HERC3: variants seen among roughly 807,000 people sequenced by gnomAD.
HERC3 encodes the protein HECT and RLD domain containing E3 ubiquitin protein ligase 3.
In HERC3, 58 loss-of-function variants were observed where a neutral mutation model predicts 129.9. The ratio of observed to expected loss-of-function variants is 0.45; its 90% CI spans 0.36 to 0.56. The LOEUF (loss-of-function observed/expected upper bound fraction) is 0.56, where lower values mean the gene tolerates loss of function less well. Among genes scored for constraint, HERC3 ranks in the 20% least tolerant of loss-of-function variants. The probability of loss-of-function intolerance (pLI) is 0.00; values close to 1 mark genes in which losing one functional copy is unlikely to be tolerated. For missense variants in HERC3, 835 were observed against 1,244.2 expected (o/e 0.67, Z 4.95); for synonymous variants, 430 against 451.0 (o/e 0.95, Z 0.59).
At chr4:88,540,978 C>A in the HERC3 span, among the ~76,000 whole-genome samples, 4 of 152,200 alleles carry the variant, frequency 2.6e-5, no homozygotes, top group South Asian at 8.3e-4. Context: ...GTACCAGCCA[C>A]TGCAAAAACA....
At chr4:88,642,150 AAAGG>A (rs1409787429) in intron 3 of HERC3, among the ~76,000 whole-genome samples, 2 of 151,332 alleles carry the variant, frequency 1.3e-5, no homozygotes, top group African/African-American at 2.4e-5. Context: ...AAAAAAAAAA[AAAGG>A]AAGGAAGAAA....
At chr4:88,532,503 G>C in the HERC3 span, among the ~76,000 whole-genome samples, 1,189 of 152,266 alleles carry the variant, frequency 7.8e-3, 13 homozygotes, top group South Asian at 0.033. Context: ...CATAGGATTG[G>C]ATGATGTCCA....
chr4:88,589,544 G>T (rs1721610279), upstream of HERC3, among the ~76,000 whole-genome samples: 1 of 152,184 alleles, frequency 6.6e-6, no homozygotes, highest in Non-Finnish European at 1.5e-5. Context: ...CACAGGGGCT[G>T]ACATTATTGT....
intron 3 of HERC3, among the ~76,000 whole-genome samples, chr4:88,627,478 A>T (rs931884891): frequency 2.0e-5 from 3 of 152,204 alleles, no homozygotes; most frequent in Admixed American, 2.0e-4. Flanking sequence ...AAATACTGTG[A>T]CATTTTATAC....
At chr4:88,670,107 G>A in intron 15 of HERC3, 32 bp from the exon 16 acceptor site, 2 of 1,601,856 alleles carry the variant, frequency 1.2e-6, no homozygotes, top group African/African-American at 2.7e-5. Flanking sequence ...GGGAAGCCAT[G>A]TTTCAGTTGT....
chr4:88,656,607 A>C (rs1729926406), intron 9 of HERC3: 1 of 152,600 alleles, frequency 6.6e-6, no homozygotes, highest in African/African-American at 2.4e-5. Flanking sequence ...CTCACCTCCA[A>C]CATTGGGATT....
intron 10 of HERC3, 35 bp downstream of exon 10, chr4:88,658,526 G>T (rs1217117370): frequency 9.0e-7 from 1 of 1,112,388 alleles, no homozygotes; most frequent in Non-Finnish European, 1.4e-6. Flanking sequence ...TTTCCAGGAA[G>T]GAATAATAGT....
At position 88,707,085 on chromosome 4, in the gene HERC3, G is replaced by A. The variant is rs923489422; in HGVS notation, c.*125G>A. 51 of 738,718 alleles carry A rather than the reference G, an allele frequency of 6.9e-5. No individual in the cohort carries two copies. The highest frequency in any genetic ancestry group is 1.1e-4 in the Non-Finnish European group (47 of 443,458). The allele number at this position is 738,718 out of a possible 1,614,324, so 45.8% of individuals were successfully genotyped here. ...AAGTGGGTTGGGACTTTTAAATACT[G>A]AGCCTGGTTGATGTGTTTCTGGGAT... On this transcript the variant is annotated 3_prime_UTR_variant, in exon 26 of 26. Transcript: ENST00000402738.
At chr4:88,654,838 A>C (rs1729712797) in intron 7 of HERC3, among the ~76,000 whole-genome samples, 1 of 152,184 alleles carries the variant, frequency 6.6e-6, no homozygotes, top group African/African-American at 2.4e-5. Context: ...CATGTGAATG[A>C]TCATGTAAAA....
At chr4:88,651,867 C>T (rs1021329589) in intron 4 of HERC3, 145 bp from the exon 5 acceptor site, 8 of 648,918 alleles carry the variant, frequency 1.2e-5, no homozygotes, top group East Asian at 8.2e-5. Context: ...AGATTACAGG[C>T]GTGAACCACT....
chr4:88,697,158 C>G (rs751921542), intron 23 of HERC3: 1 of 1,454,748 alleles, frequency 6.9e-7, no homozygotes, highest in Admixed American at 2.6e-5. Flanking sequence ...AAAAACAAAA[C>G]CAGGCTTTTT....
chr4:88,617,328 CATACTA>C (rs1725019339), intron 3 of HERC3, among the ~76,000 whole-genome samples: 1 of 151,924 alleles, frequency 6.6e-6, no homozygotes, highest in Non-Finnish European at 1.5e-5. Flanking sequence ...TTTTCAAAGT[CATACTA>C]ATAAGAGCTT....
chr4:88,601,844 C>T (rs990275845), intron 2 of HERC3, among the ~76,000 whole-genome samples: 3 of 91,216 alleles, frequency 3.3e-5, no homozygotes, highest in Non-Finnish European at 5.3e-5. Context: ...ATCACGAGGT[C>T]AGGAGATCGA....
chr4:88,602,289 C>T (rs1723082252), intron 2 of HERC3, among the ~76,000 whole-genome samples: 1 of 149,750 alleles, frequency 6.7e-6, no homozygotes, highest in Admixed American at 6.7e-5. Context: ...GTAATCCCAG[C>T]TACTTGAGAG....
At chr4:88,674,739 T>G (rs1026542459) in intron 16 of HERC3, among the ~76,000 whole-genome samples, 2 of 152,196 alleles carry the variant, frequency 1.3e-5, no homozygotes, top group African/African-American at 4.8e-5. Flanking sequence ...ATTGGATATG[T>G]AGGCATGAGA....
intron 13 of HERC3, among the ~76,000 whole-genome samples, 195 bp downstream of exon 13, chr4:88,667,683 A>C (rs544148176): frequency 9.2e-5 from 14 of 152,232 alleles, no homozygotes; most frequent in African/African-American, 2.9e-4. Context: ...GCCCCTCTAG[A>C]ATATACAGTT....
intron 3 of HERC3, among the ~76,000 whole-genome samples, chr4:88,633,856 A>G (rs571123038): frequency 6.6e-6 from 1 of 152,380 alleles, no homozygotes; most frequent in African/African-American, 2.4e-5. Context: ...ATCATAATTA[A>G]CATTTAGTGA....
the HERC3 span, among the ~76,000 whole-genome samples, chr4:88,543,617 G>A: frequency 0.16 from 23,803 of 152,154 alleles, 3,995 homozygotes; most frequent in African/African-American, 0.42. Flanking sequence ...AAAAGAGCCT[G>A]CATTGCCAAG....
chr4:88,603,024 T>G (rs922895584), intron 2 of HERC3, among the ~76,000 whole-genome samples: 1 of 152,158 alleles, frequency 6.6e-6, no homozygotes, highest in Non-Finnish European at 1.5e-5. Flanking sequence ...TGTTGTGTCT[T>G]AACTTTGATA....
Sources: gnomAD v4.1 joint callset for allele counts (sites outside exome capture counted in the v4.1 genomes callset) on GRCh38, gnomAD v4.1.1 for gene constraint, MANE v1.5 for transcripts, NCBI Gene and HGNC (gene_info 2026-07-23, HGNC 2026-07-21) for gene names.